The following SCOC variants were observed in gnomAD, a reference collection of about 807,000 sequenced individuals.
SCOC encodes short coiled-coil protein.
SCOC carries 7 observed loss-of-function variants against 9.9 expected under a neutral mutation model. That is an observed-to-expected ratio of 0.71 (90% confidence interval 0.40 to 1.33). The LOEUF (loss-of-function observed/expected upper bound fraction) is 1.33, where lower values mean the gene tolerates loss of function less well. Among genes scored for constraint, SCOC ranks in the 40% most tolerant of loss-of-function variants. SCOC has a pLI of 0.01. For missense variants in SCOC, 66 were observed against 89.7 expected (o/e 0.74, Z 1.07); for synonymous variants, 19 against 28.2 (o/e 0.67, Z 1.03).
chr4:140,366,264 GCT>G, intron 2 of SCOC: 7 of 1,322,448 alleles, frequency 5.3e-6, no homozygotes, highest in South Asian at 4.4e-5. Flanking sequence ...TGGAGCAGGT[GCT>G]TTCTGGGCTG....
At chr4:140,369,614 T>C (rs1417308861), upstream of SCOC, among the ~76,000 whole-genome samples, 1 of 152,098 alleles carries the variant, frequency 6.6e-6, no homozygotes, top group Non-Finnish European at 1.5e-5. Flanking sequence ...ATATTGGAAG[T>C]TCTCTATTTC....
chr4:140,291,424 G>C (rs1260181950), intron 1 of SCOC: 3 of 457,060 alleles, frequency 6.6e-6, no homozygotes, highest in South Asian at 4.6e-5. Context: ...AAGCCCTCTG[G>C]TGTATAGCAA....
intron 1 of SCOC, among the ~76,000 whole-genome samples, chr4:140,329,919 G>T (rs1732761996): frequency 6.6e-6 from 1 of 152,162 alleles, no homozygotes; most frequent in Non-Finnish European, 1.5e-5. Context: ...GCTAAAAGTA[G>T]ATCTACCATT....
chr4:140,373,638 C>T (rs1328249279), upstream of SCOC: 3 of 1,551,476 alleles, frequency 1.9e-6, no homozygotes, highest in African/African-American at 1.4e-5. Flanking sequence ...GTGGGCGGAG[C>T]TGCCGGGGTC....
At chr4:140,292,073 C>T (rs1731490746) in intron 1 of SCOC, among the ~76,000 whole-genome samples, 1 of 152,022 alleles carries the variant, frequency 6.6e-6, no homozygotes, top group South Asian at 2.1e-4. Flanking sequence ...TCTGTTCCTG[C>T]CTTCTTTTGA....
intron 1 of SCOC, among the ~76,000 whole-genome samples, chr4:140,259,203 GA>G (rs1438267043): frequency 6.6e-6 from 1 of 152,204 alleles, no homozygotes; most frequent in African/African-American, 2.4e-5. Context: ...CTTACAAGAT[GA>G]AAAAGGATGC....
At chr4:140,266,803 G>T (rs1203398064) in intron 1 of SCOC, among the ~76,000 whole-genome samples, 2 of 152,036 alleles carry the variant, frequency 1.3e-5, no homozygotes, top group Non-Finnish European at 2.9e-5. Flanking sequence ...GGTACTAAAA[G>T]AAAATAAAAA....
upstream of SCOC, chr4:140,369,375 A>G: frequency 2.9e-6 from 1 of 339,052 alleles, no homozygotes; most frequent in Non-Finnish European, 5.9e-6. Context: ...AAATGAGTAA[A>G]AAAGAAAATG....
intron 1 of SCOC, among the ~76,000 whole-genome samples, chr4:140,272,101 G>C (rs1412150480): frequency 2.7e-5 from 4 of 150,596 alleles, no homozygotes; most frequent in African/African-American, 7.3e-5. Flanking sequence ...CTGTCACCCA[G>C]GCTGAAGTAC....
At chr4:140,294,501 G>T (rs1371376691) in intron 1 of SCOC, among the ~76,000 whole-genome samples, 2 of 152,120 alleles carry the variant, frequency 1.3e-5, no homozygotes, top group Non-Finnish European at 2.9e-5. Context: ...GAGAGTTTTT[G>T]TGGGTACAAA....
intron 1 of SCOC, among the ~76,000 whole-genome samples, chr4:140,262,814 GGA>G (rs140878600): frequency 1.0e-4 from 15 of 149,600 alleles, no homozygotes; most frequent in South Asian, 4.2e-4. Flanking sequence ...CATGGCAGCA[GGA>G]GAGAGAGAGA....
At chr4:140,340,937 G>A (rs367928283), upstream of SCOC, among the ~76,000 whole-genome samples, 11 of 151,632 alleles carry the variant, frequency 7.3e-5, no homozygotes, top group East Asian at 7.8e-4. Flanking sequence ...GATTACAGGC[G>A]TGTGCCACTA....
intron 2 of SCOC, among the ~76,000 whole-genome samples, chr4:140,344,260 T>C (rs1485039705): frequency 6.6e-6 from 1 of 152,186 alleles, no homozygotes; most frequent in Non-Finnish European, 1.5e-5. Context: ...TAGACAGTGC[T>C]GAATTGCACA....
chr4:140,285,014 C>T (rs562983462), intron 1 of SCOC: 7 of 321,482 alleles, frequency 2.2e-5, no homozygotes, highest in South Asian at 5.4e-5. Flanking sequence ...TAATGGTTAA[C>T]GTCTTGCACT....
At chr4:140,291,464 T>A (rs11938800) in intron 1 of SCOC, 6,807 of 457,324 alleles carry the variant, frequency 0.015, 216 homozygotes, top group African/African-American at 0.079. Context: ...GTCAGCATGA[T>A]GTCATCATTG....
chr4:140,314,161 A>T, intron 1 of SCOC: 2 of 203,132 alleles, frequency 9.8e-6, no homozygotes, highest in Admixed American at 8.9e-5. Context: ...CCATTGCCAG[A>T]CTTGACATGA....
intron 1 of SCOC, among the ~76,000 whole-genome samples, chr4:140,336,682 T>C (rs1044355762): frequency 6.6e-6 from 1 of 152,218 alleles, no homozygotes; most frequent in Non-Finnish European, 1.5e-5. Context: ...AATGCTGCTA[T>C]AAATCTTCAT....
At chr4:140,356,064 A>G (rs1727216960) in intron 2 of SCOC, among the ~76,000 whole-genome samples, 1 of 152,194 alleles carries the variant, frequency 6.6e-6, no homozygotes. Flanking sequence ...GTTGTTTAGG[A>G]AAAATAAAAT....
chr4:140,374,163 C>T (rs1031419294), intron 1 of SCOC: 4 of 459,894 alleles, frequency 8.7e-6, no homozygotes, highest in African/African-American at 8.0e-5. Context: ...GGGGAGGGAG[C>T]CTAGAGAGCC....
Sources: gnomAD v4.1 joint callset for allele counts (sites outside exome capture counted in the v4.1 genomes callset) on GRCh38, gnomAD v4.1.1 for gene constraint, MANE v1.5 for transcripts, NCBI Gene and HGNC (gene_info 2026-07-23, HGNC 2026-07-21) for gene names.